Variants in HTT observed in about 807,000 individuals in gnomAD.
HTT encodes huntington disease protein.
Under a neutral mutation model 362.3 loss-of-function variants are expected in HTT, and 104 were observed. The ratio of observed to expected loss-of-function variants is 0.29; its 90% CI spans 0.24 to 0.34. The LOEUF is 0.34. Ranked by LOEUF, HTT falls within the 10% of genes least tolerant of loss-of-function variation. The pLI is 1.00. For synonymous variants in HTT, 1,577 were observed against 1,548.7 expected, an observed-to-expected ratio of 1.02 and a Z score of -0.43; for missense variants, 3,301 against 3,928.6, an observed-to-expected ratio of 0.84 and a Z score of 4.27.
chr4:3,199,242 A>C (rs1456531686), intron 40 of HTT, among the ~76,000 whole-genome samples: 5 of 152,214 alleles, frequency 3.3e-5, no homozygotes, highest in African/African-American at 1.2e-4. Context: ...TGACCAGTCC[A>C]TTAAATAAGT....
intron 47 of HTT, among the ~76,000 whole-genome samples, chr4:3,210,211 A>G (rs1720086720): frequency 6.6e-6 from 1 of 152,080 alleles, no homozygotes; most frequent in Non-Finnish European, 1.5e-5. Flanking sequence ...GAATCCACGG[A>G]GGTGTTGTTT....
At position 3,174,979 on chromosome 4, in the gene HTT, C is replaced by T. The variant is rs1306479576; in HGVS notation, c.4279C>T (p.Pro1427Ser). Reference sequence around the variant, plus strand: ...TCATAATCACATTCGTTTGTTTGAACCTCTTGTTATAAAAGCTTTAAAACA... The same window carrying T: ...TCATAATCACATTCGTTTGTTTGAATCTCTTGTTATAAAAGCTTTAAAACA... ...AIHNHIRLFE[P>S]LVIKALKQYT... The change falls in exon 33 of 67, where the codon CCT (proline) becomes TCT (serine). Residue 1427 changes from proline (P) to serine (S), a missense_variant. Pro to Ser is a moderately conservative substitution (Grantham distance 74). Transcript: ENST00000355072. 1 of 1,607,280 alleles carries T rather than the reference C, an allele frequency of 6.2e-7. No individual in the cohort carries two copies.
intron 60 of HTT, among the ~76,000 whole-genome samples, chr4:3,231,666 AT>A (rs3216209): frequency 0.46 from 69,193 of 151,726 alleles, 16,387 homozygotes; most frequent in African/African-American, 0.56. Flanking sequence ...AGTGGAAACA[AT>A]TGAGTGTGTG....
At chr4:3,135,345 C>G (rs1181973271) in intron 19 of HTT, among the ~76,000 whole-genome samples, 1 of 151,198 alleles carries the variant, frequency 6.6e-6, no homozygotes, top group Non-Finnish European at 1.5e-5. Context: ...ATAACATGAG[C>G]TGTGTTGGCA....
At chr4:3,238,774 G>A (rs759403097) in intron 65 of HTT, 44 bp from the exon 66 acceptor site, 60 of 1,090,336 alleles carry the variant, frequency 5.5e-5, no homozygotes, top group Non-Finnish European at 5.8e-5. Flanking sequence ...GGTGCTTCCC[G>A]TCCCCCCAGC....
At chr4:3,162,150 G>A (rs1023539321) in intron 29 of HTT, among the ~76,000 whole-genome samples, 6 of 152,182 alleles carry the variant, frequency 3.9e-5, no homozygotes, top group African/African-American at 1.2e-4. Flanking sequence ...TGGCTAGCCA[G>A]TTTTCCCAAC....
rs138309671 is a variant in HTT at position 3,085,305 on chromosome 4, T to C, written c.264-1634T>C. Among the ~76,000 whole-genome samples, 810 of 152,148 alleles carry C rather than the reference T, an allele frequency of 5.3e-3. 9 individuals carry two copies. Among genetic ancestry groups the C allele is most frequent in the African/African-American group, 0.019 (779 of 41,512 alleles). Reference sequence around the variant, plus strand: ...GGCGCCCGCCACCACGCCCAACTATTTTTTGTATTTTTAGTAGAGCAGCGT... The same window carrying C: ...GGCGCCCGCCACCACGCCCAACTATCTTTTGTATTTTTAGTAGAGCAGCGT... On this transcript the variant is annotated intron_variant, in intron 1 of 66. Transcript: ENST00000355072.
chr4:3,199,383 T>G (rs1719419591), intron 40 of HTT, among the ~76,000 whole-genome samples: 1 of 151,900 alleles, frequency 6.6e-6, no homozygotes, highest in South Asian at 2.1e-4. Flanking sequence ...ATACTAAAAA[T>G]ACAAATATTA....
At chr4:3,128,223 A>G (rs544264892) in intron 12 of HTT, 3 of 152,454 alleles carry the variant, frequency 2.0e-5, no homozygotes, top group Non-Finnish European at 2.9e-5. Context: ...GTGAGCCACC[A>G]TGCCCGGCCC....
At chr4:3,134,638 A>G in intron 19 of HTT, 98 bp downstream of exon 19, 3 of 1,120,180 alleles carry the variant, frequency 2.7e-6, no homozygotes, top group Admixed American at 2.2e-5. Context: ...TACCCTGTCC[A>G]TCAGAAATCC....
chr4:3,176,112 C>T (rs1055201968), intron 33 of HTT, among the ~76,000 whole-genome samples: 3 of 151,620 alleles, frequency 2.0e-5, no homozygotes, highest in African/African-American at 7.3e-5. Context: ...ACTGCCAGCT[C>T]CGCCTCAGAG....
At chr4:3,075,163 C>G in intron 1 of HTT, 75 bp downstream of exon 1, 1 of 1,176,888 alleles carries the variant, frequency 8.5e-7, no homozygotes, top group Non-Finnish European at 1.1e-6. Flanking sequence ...AACCCTGCAG[C>G]CTGCGGGCCG....
rs57969431 is a variant in HTT, at chr4:3,241,539, G to A, written c.*1480G>A. On this transcript the variant is annotated 3_prime_UTR_variant, in exon 67 of 67. Coordinates refer to ENST00000355072, the MANE Select transcript of HTT (RefSeq NM_001388492.1). ...GGGCTCTGCTTCCTCAGCCCTAGAG[G>A]CGAGCCAGGCAAGGTTGGCGACTGT... 16 of 152,446 alleles carry A rather than the reference G, an allele frequency of 1.0e-4. No homozygotes were observed. In the East Asian group the frequency reaches 3.1e-3, roughly 29 times the overall value. The allele number at this position is 152,446 out of a possible 1,614,324, so 9.4% of individuals were successfully genotyped here.
rs1196038981 is a variant in HTT at position 3,178,278 on chromosome 4, A to G, written c.4464-20A>G. 1.9e-6 allele frequency: 3 copies of G among 1,566,074 alleles called. No individual in the cohort carries two copies. Among genetic ancestry groups the G allele is most frequent in the African/African-American group, 1.4e-5 (1 of 73,708 alleles). On this transcript the variant is annotated intron_variant, in intron 34 of 66. Coordinates refer to ENST00000355072, the MANE Select transcript of HTT (RefSeq NM_001388492.1). ...TCTTAATTTTAAAAGAAAGGTCTAA[A>G]TGGATGTTTTTGTTTTTAGGGAATC...
rs748238711 is a variant in HTT at position 3,107,270 on chromosome 4, C to G, written c.609-15C>G. 1.2e-6 allele frequency: 2 copies of G among 1,609,284 alleles called. No individual in the cohort carries two copies. The highest frequency in any genetic ancestry group is 1.7e-6 in the Non-Finnish European group (2 of 1,178,054). On this transcript the variant is annotated splice_polypyrimidine_tract_variant and intron_variant, in intron 5 of 66. Coordinates refer to ENST00000355072, the MANE Select transcript of HTT (RefSeq NM_001388492.1). ...GAGAGCTGGAAGAATGACTTGCGTT[C>G]TTTTGCATACACAGGCCTTACCTGG...
In HTT at chr4:3,101,280, T is replaced by A. The variant is rs1275335636; in HGVS notation, c.468+1886T>A. Among the ~76,000 whole-genome samples the A allele has an allele frequency of 4.6e-5, 7 of 152,024 alleles. No homozygotes were observed. In the East Asian group the frequency reaches 1.3e-3, roughly 29 times the overall value. ...GAGGACTGTAGGCCATGGCCCTAGG[T>A]TGTGGTTTTAGGTCTCAGGTGCTCT... On this transcript the variant is annotated intron_variant, in intron 3 of 66. Transcript: ENST00000355072.
chr4:3,225,314 G>A (rs1009386640), intron 56 of HTT, among the ~76,000 whole-genome samples: 1 of 152,158 alleles, frequency 6.6e-6, no homozygotes, highest in Non-Finnish European at 1.5e-5. Context: ...CTGTCGGCTC[G>A]CCTGCAACTG....
In HTT at chr4:3,134,452, C is replaced by T. The variant is rs780888891; in HGVS notation, c.2545C>T (p.Leu849=). The T allele has an allele frequency of 1.2e-6, 2 of 1,614,044 alleles. No homozygotes were observed. Among genetic ancestry groups the T allele is most frequent in the Admixed American group, 1.7e-5 (1 of 60,020 alleles). The change falls in exon 19 of 67, where the codon CTG becomes TTG. Residue 849 remains leucine, a synonymous_variant. Transcript: ENST00000355072. ...SSSYSELGLQ[L]IIDVLTLRNS... ...CAGCTACAGTGAGTTAGGACTGCAG[C>T]TGATCATCGATGTGCTGACTCTGAG...
chr4:3,150,759 G>A (rs1017505622), intron 26 of HTT, among the ~76,000 whole-genome samples: 3 of 152,316 alleles, frequency 2.0e-5, no homozygotes, highest in South Asian at 2.1e-4. Context: ...ACTGCAGGCC[G>A]TGCGTGGTGG....
Sources: gnomAD v4.1 joint callset for allele counts (sites outside exome capture counted in the v4.1 genomes callset) on GRCh38, gnomAD v4.1.1 for gene constraint, MANE v1.5 for transcripts, NCBI Gene and HGNC (gene_info 2026-07-23, HGNC 2026-07-21) for gene names.